The following GRHL3 variants were observed in gnomAD, a reference collection of about 807,000 sequenced individuals.
The protein encoded by GRHL3 is grainyhead-like protein 3 homolog.
A neutral mutation model predicts 70.3 loss-of-function variants in GRHL3; 20 were observed. The observed-to-expected ratio is 0.28, with a 90% CI of 0.20 to 0.41. The LOEUF is 0.41. GRHL3 is among the 10% of genes least tolerant of loss of function. The probability of loss-of-function intolerance (pLI) is 1.00; values close to 1 mark genes in which losing one functional copy is unlikely to be tolerated. For missense variants in GRHL3, 637 were observed against 762.3 expected (o/e 0.84, Z 1.94); for synonymous variants, 299 against 299.9 (o/e 1.00, Z 0.03).
intron 1 of GRHL3, among the ~76,000 whole-genome samples, chr1:24,323,617 T>TA (rs1305214424): frequency 6.6e-6 from 1 of 152,170 alleles, no homozygotes; most frequent in African/African-American, 2.4e-5. Context: ...AAAATGATGA[T>TA]AAAAATACCC....
rs1244789602 is a variant in GRHL3, at chr1:24,364,140, C to T, written c.1695-45C>T. On this transcript the variant is annotated intron_variant, in intron 15 of 15. Coordinates refer to the GRHL3 transcript ENST00000350501. ...CCTTCTGTGAGAAACACCAACTTTC[C>T]CTGCAAACTCGAATTCAATTCTTGA... The T allele has an allele frequency of 1.7e-5, 25 of 1,469,908 alleles. No individual in the cohort carries two copies. In the Admixed American group the frequency reaches 3.7e-4, roughly 22 times the overall value. The allele number at this position is 1,469,908 out of a possible 1,614,324, so 91.1% of individuals were successfully genotyped here.
At chr1:24,329,118 G>A (rs780900058) in intron 1 of GRHL3, among the ~76,000 whole-genome samples, 4 of 152,166 alleles carry the variant, frequency 2.6e-5, no homozygotes, top group South Asian at 2.1e-4. Context: ...TGTGCCTCCC[G>A]CTCTCCGCAC....
intron 15 of GRHL3, among the ~76,000 whole-genome samples, chr1:24,361,467 T>C (rs1013477494): frequency 1.3e-5 from 2 of 152,018 alleles, no homozygotes; most frequent in Non-Finnish European, 2.9e-5. Flanking sequence ...ATGGACTCAA[T>C]GGGAAGAGGC....
At chr1:24,351,391 C>T (rs1233843461) in intron 15 of GRHL3, among the ~76,000 whole-genome samples, 4 of 144,892 alleles carry the variant, frequency 2.8e-5, no homozygotes, top group African/African-American at 8.4e-5. Context: ...TCCATCCCTG[C>T]AGCCCCTGGG....
chr1:24,324,113 C>T (rs559536645), intron 1 of GRHL3, among the ~76,000 whole-genome samples: 12 of 152,092 alleles, frequency 7.9e-5, no homozygotes, highest in Non-Finnish European at 1.5e-4. Context: ...TCTTTCACAC[C>T]TCAGTTGAAC....
At chr1:24,358,000 T>C (rs2148672126), downstream of GRHL3, 1 of 354,074 alleles carries the variant, frequency 2.8e-6, no homozygotes, top group South Asian at 2.1e-5. Context: ...AGCTGTGGAC[T>C]GGTGGAAAAA....
Position 24,364,230 on chromosome 1 carries a change from T to A in GRHL3, c.1740T>A (p.Pro580=). 3.9e-6 allele frequency: 6 copies of A among 1,545,132 alleles called. No homozygotes were observed. The East Asian group carries it at 1.5e-4, about 38-fold the overall frequency. ...CACGCCTGTCTCGCCACCCCCCACC[T>A]GACTGTCTTGAATGTTCCCATCCTG... The change falls in exon 16 of 16, where the codon CCT becomes CCA. Residue 580 remains proline (P), a synonymous_variant. Transcript: ENST00000350501.
chr1:24,357,046 G>GCCCC (rs71934206), downstream of GRHL3: 1 of 117,314 alleles, frequency 8.5e-6, no homozygotes, highest in Non-Finnish European at 1.7e-5. Context: ...TAAAATTAAG[G>GCCCC]CCCCCCCCCC....
rs1639721646 is a variant in GRHL3 at position 24,334,500 on chromosome 1, G to A, written c.205-145G>A. ...ACTCCCATGTGATTATGGGAACTAC[G>A]ATTCAAGATGAGATTTGGGTGGGGA... On this transcript the variant is annotated intron_variant, in intron 2 of 15. Transcript: ENST00000361548. This position sits in a 1 kb window ranked among gnomAD's most constrained non-coding sequence, Gnocchi z 4.3. 3.2e-6 allele frequency: 2 copies of A among 623,986 alleles called. No homozygotes were observed. The highest frequency in any genetic ancestry group is 5.8e-6 in the Non-Finnish European group (2 of 342,428). The allele number at this position is 623,986 out of a possible 1,614,324, so 38.7% of individuals were successfully genotyped here.
rs1243100536 is a variant in GRHL3, at chr1:24,334,628, C to T, written c.205-17C>T. ...GAAGCTTAGCCATGCATAAATCCTT[C>T]CTTTCTCTCTTCTCAGGGTCCCAAG... On this transcript the variant is annotated splice_polypyrimidine_tract_variant and intron_variant, in intron 2 of 15. Transcript: ENST00000361548. This position sits in a 1 kb window ranked among gnomAD's most constrained non-coding sequence, Gnocchi z 4.3. The T allele has an allele frequency of 6.2e-7, 1 of 1,606,444 alleles. No individual in the cohort carries two copies. Among genetic ancestry groups the T allele is most frequent in the East Asian group, 2.2e-5 (1 of 44,574 alleles).
chr1:24,340,923 T>C (rs531994975), intron 8 of GRHL3, among the ~76,000 whole-genome samples: 128 of 151,798 alleles, frequency 8.4e-4, no homozygotes, highest in Middle Eastern at 6.8e-3. Flanking sequence ...CAGGCTTGGG[T>C]CTTTCTCAGG....
In GRHL3 at chr1:24,342,713, G is replaced by A. The variant is rs1261266801; in HGVS notation, c.1226G>A (p.Arg409His). The change falls in exon 10 of 16, where the codon CGC (arginine) becomes CAC (histidine). Residue 409 changes from arginine to histidine, a missense_variant. Arg to His is a conservative substitution (Grantham distance 29). Transcript: ENST00000361548. This position sits in a 1 kb window ranked among gnomAD's most constrained non-coding sequence, Gnocchi z 4.8. ...CTGCAGGGAGCTGAGAGGAAGATGC[G>A]CGATGACGAGCGGAAGCAGTTCCGG... ...FCDKGAERKM[R>H]DDERKQFRRK... The A allele has an allele frequency of 4.3e-6, 7 of 1,614,214 alleles. No individual in the cohort carries two copies. The highest frequency in any genetic ancestry group is 5.9e-6 in the Non-Finnish European group (7 of 1,180,044).
intron 1 of GRHL3, among the ~76,000 whole-genome samples, chr1:24,325,018 C>T (rs1299922717): frequency 6.6e-6 from 1 of 152,152 alleles, no homozygotes; most frequent in African/African-American, 2.4e-5. Context: ...CAGGGAACAT[C>T]GTGTGTGGGG....
At chr1:24,344,805 C>CA in intron 11 of GRHL3, 92 bp from the exon 12 acceptor site, 1 of 1,466,132 alleles carries the variant, frequency 6.8e-7, no homozygotes, top group Non-Finnish European at 9.6e-7. Context: ...CACCTCCCAC[C>CA]AAAAATATTC....
intron 15 of GRHL3, among the ~76,000 whole-genome samples, chr1:24,362,189 T>C (rs1211702320): frequency 6.6e-6 from 1 of 152,202 alleles, no homozygotes; most frequent in Non-Finnish European, 1.5e-5. Flanking sequence ...ACTACTGCAC[T>C]TTAGCCAACA....
At position 24,354,387 on chromosome 1, in the gene GRHL3, A is replaced by G. The variant is rs1640632554; in HGVS notation, c.1708A>G (p.Met570Val). 6.2e-7 allele frequency: 1 copy of G among 1,612,730 alleles called. No homozygotes were observed. The highest frequency in any genetic ancestry group is 1.3e-5 in the African/African-American group (1 of 74,914). ...KKCKRGILVN[M>V]DNNIIQHYSN... ...CTTCCATTCCAGAATCTTAGTCAAC[A>G]TGGACAACAACATCATTCAGCATTA... Residue 570 changes from methionine to valine, a missense_variant, in exon 16 of 16, where the codon ATG (methionine) becomes GTG (valine). Met to Val is a conservative substitution (Grantham distance 21). This residue lies in a region of GRHL3 where 387 missense variants were observed against 513.8 expected (regional missense o/e 0.75). Coordinates refer to ENST00000361548, the MANE Select transcript of GRHL3 (RefSeq NM_198173.3).
At chr1:24,341,994 C>A in intron 8 of GRHL3, 121 bp from the exon 9 acceptor site, 1 of 847,586 alleles carries the variant, frequency 1.2e-6, no homozygotes, top group Non-Finnish European at 1.8e-6. Context: ...CTTCTAGGGG[C>A]CTAGTGAGGC....
intron 8 of GRHL3, among the ~76,000 whole-genome samples, chr1:24,341,601 C>G (rs556145225): frequency 6.6e-6 from 1 of 152,320 alleles, no homozygotes; most frequent in East Asian, 1.9e-4. Flanking sequence ...CTGAAAGAAC[C>G]TCTCACTAGA....
intron 1 of GRHL3, chr1:24,323,184 G>A (rs879471353): frequency 1.1e-6 from 1 of 926,200 alleles, no homozygotes. Context: ...GTCGTTAAGG[G>A]GAAGAGAGGG....
Sources: allele counts gnomAD v4.1 joint callset (sites outside exome capture counted in the v4.1 genomes callset), GRCh38; gene constraint gnomAD v4.1.1; regional missense constraint gnomAD v4.1.1; non-coding constraint Gnocchi (gnomAD v3.1); transcripts MANE v1.5; gene names NCBI Gene and HGNC (gene_info 2026-07-23, HGNC 2026-07-21).